Variants in ZFR observed in about 807,000 individuals in gnomAD.
The protein encoded by ZFR is zinc finger RNA-binding protein.
In ZFR, 19 loss-of-function variants were observed where a neutral mutation model predicts 130.7. That is an observed-to-expected ratio of 0.15 (90% CI 0.10 to 0.21). ZFR has a LOEUF of 0.21. Among genes scored for constraint, ZFR ranks in the 10% least tolerant of loss-of-function variants. The pLI is 1.00. For missense variants in ZFR, 872 were observed against 1,321.5 expected, an observed-to-expected ratio of 0.66 and a Z score of 5.27; for synonymous variants, 466 against 456.9, an observed-to-expected ratio of 1.02 and a Z score of -0.25.
intron 15 of ZFR, among the ~76,000 whole-genome samples, chr5:32,384,881 G>GAATATA (rs1246562635): frequency 2.0e-5 from 3 of 152,050 alleles, no homozygotes; most frequent in Admixed American, 1.3e-4. Context: ...CATTTACACA[G>GAATATA]TTTATTTTTC....
At chr5:32,428,975 CTTTTTTTTTTTTTTTTTT>C (rs576959110) in intron 2 of ZFR, among the ~76,000 whole-genome samples, 2 of 91,200 alleles carry the variant, frequency 2.2e-5, no homozygotes, top group Admixed American at 1.2e-4. Context: ...CTTCTTACAT[CTTTTTTTTTTTTTTTTTT>C]TTTTTTTTTT....
At chr5:32,388,777 G>T in intron 12 of ZFR, 103 bp from the exon 13 acceptor site, 2 of 1,060,278 alleles carry the variant, frequency 1.9e-6, no homozygotes, top group Non-Finnish European at 2.7e-6. Context: ...CAATAAGAAA[G>T]CCTTTATCTT....
At chr5:32,415,521 C>T (rs536037543) in intron 4 of ZFR, among the ~76,000 whole-genome samples, 4,405 of 71,590 alleles carry the variant, frequency 0.062, 142 homozygotes, top group African/African-American at 0.19. Flanking sequence ...TGTGTGCGCG[C>T]GCGCGCGCGC....
At chr5:32,382,215 G>A (rs753759802) in intron 15 of ZFR, among the ~76,000 whole-genome samples, 11 of 152,088 alleles carry the variant, frequency 7.2e-5, no homozygotes, top group Non-Finnish European at 1.3e-4. Context: ...GGAGGCTGAG[G>A]CATGAGAATT....
chr5:32,441,116 G>C (rs949886208), intron 2 of ZFR, among the ~76,000 whole-genome samples: 3 of 152,116 alleles, frequency 2.0e-5, no homozygotes, highest in African/African-American at 7.2e-5. Flanking sequence ...TGGGATTACA[G>C]GTGCCCGCCA....
In ZFR at chr5:32,404,033, T is replaced by G; in HGVS notation, c.1097A>C (p.Gln366Pro). ...AGAACTGTTGCTGCTGCTGGTATTT[T>G]GTGAGGCTTTCAATGCAGCTTCTTT... ...KKKEAALKAS[Q>P]NTSSSNSSTR... Residue 366 changes from glutamine (Q) to proline (P), a missense_variant, in exon 7 of 20, where the codon CAA becomes CCA. By Grantham distance (76) the Gln-to-Pro change is moderately conservative (BLOSUM62 -1). Transcript: ENST00000265069. 6.2e-7 allele frequency: 1 copy of G among 1,614,142 alleles called. No individual in the cohort carries two copies. Among genetic ancestry groups the G allele is most frequent in the South Asian group, 1.1e-5 (1 of 91,064 alleles).
intron 2 of ZFR, among the ~76,000 whole-genome samples, chr5:32,440,217 A>C (rs1754437537): frequency 6.6e-6 from 1 of 152,196 alleles, no homozygotes; most frequent in South Asian, 2.1e-4. Flanking sequence ...TTTGGCCATG[A>C]AGCCATCCTT....
intron 2 of ZFR, among the ~76,000 whole-genome samples, chr5:32,424,303 GGAGGCC>G (rs1754020100): frequency 6.6e-6 from 1 of 152,240 alleles, no homozygotes; most frequent in Non-Finnish European, 1.5e-5. Flanking sequence ...CAGCACTTTG[GGAGGCC>G]GAGGTGGGTG....
At chr5:32,360,537 G>A (rs1752409809) in intron 19 of ZFR, among the ~76,000 whole-genome samples, 1 of 152,052 alleles carries the variant, frequency 6.6e-6, no homozygotes, top group Admixed American at 6.6e-5. Context: ...ATATTCTAAC[G>A]TATGACTGTA....
At chr5:32,434,042 C>T (rs541030062) in intron 2 of ZFR, among the ~76,000 whole-genome samples, 42 of 152,320 alleles carry the variant, frequency 2.8e-4, no homozygotes, top group Non-Finnish European at 4.9e-4. Flanking sequence ...TGCACTCCAG[C>T]GTGGGCTAGA....
intron 7 of ZFR, 63 bp from the exon 8 acceptor site, chr5:32,403,460 G>A: frequency 6.5e-7 from 1 of 1,530,474 alleles, no homozygotes; most frequent in Non-Finnish European, 8.8e-7. Context: ...AGTCTGCCTG[G>A]AACATTATAA....
chr5:32,376,670 A>G (rs1752818553), intron 17 of ZFR, among the ~76,000 whole-genome samples: 1 of 151,476 alleles, frequency 6.6e-6, no homozygotes, highest in Admixed American at 6.6e-5. Flanking sequence ...AAAATCCAGA[A>G]ATGATAAAAA....
chr5:32,358,394 C>A (rs762680247), intron 19 of ZFR, among the ~76,000 whole-genome samples: 1 of 152,132 alleles, frequency 6.6e-6, no homozygotes, highest in Non-Finnish European at 1.5e-5. Context: ...GGCGCGGTGG[C>A]GCAAGCCTGT....
intron 2 of ZFR, among the ~76,000 whole-genome samples, chr5:32,422,511 G>A (rs1053039354): frequency 5.9e-5 from 9 of 152,072 alleles, no homozygotes; most frequent in African/African-American, 2.2e-4. Flanking sequence ...AAAAGCATGA[G>A]GAAGGCTGGG....
At position 32,385,582 on chromosome 5, in the gene ZFR, C is replaced by A. The variant is rs1581689670; in HGVS notation, c.2567G>T (p.Cys856Phe). 3 of 1,613,408 alleles carry A rather than the reference C, an allele frequency of 1.9e-6. No homozygotes were observed. The highest frequency in any genetic ancestry group is 2.7e-5 in the African/African-American group (2 of 74,888). The change falls in exon 15 of 20, where the codon TGT becomes TTT. Residue 856 changes from cysteine (C) to phenylalanine (F), a missense_variant. This residue lies in a region of ZFR where 225 missense variants were observed against 282.4 expected (regional missense o/e 0.80). Transcript: ENST00000265069. ...VSEAAIILNS[C>F]VEPKMQVTIT... ...AGTGACTTGCATTTTGGGTTCCACACATGAATTCAAAATTATTGCCGCTTC... is the reference window on the plus strand; with the variant it reads ...AGTGACTTGCATTTTGGGTTCCACAAATGAATTCAAAATTATTGCCGCTTC...
intron 19 of ZFR, among the ~76,000 whole-genome samples, chr5:32,359,264 A>T (rs1326763498): frequency 6.6e-6 from 1 of 152,110 alleles, no homozygotes; most frequent in Non-Finnish European, 1.5e-5. Flanking sequence ...GGCCCAATAC[A>T]AATTCATAAA....
intron 17 of ZFR, among the ~76,000 whole-genome samples, chr5:32,368,741 G>C (rs530389899): frequency 6.6e-6 from 1 of 152,302 alleles, no homozygotes; most frequent in African/African-American, 2.4e-5. Flanking sequence ...ACCACTTACT[G>C]AGTGCTTATC....
At chr5:32,428,960 A>G (rs1040070520) in intron 2 of ZFR, among the ~76,000 whole-genome samples, 7 of 148,734 alleles carry the variant, frequency 4.7e-5, no homozygotes, top group Non-Finnish European at 4.4e-5. Flanking sequence ...GAATTAGAAA[A>G]AAGTCTTCTT....
rs1753524194 is a variant in ZFR at position 32,403,902 on chromosome 5, C to A, written c.1224+4G>T. ...ATAAGGGTGTGTGGGAAAAAAACAC[C>A]TACTTTCTGATGCTTAGCACCACGA... On this transcript the variant is annotated splice_donor_region_variant and intron_variant, in intron 7 of 19. Transcript: ENST00000265069. 1 of 1,562,050 alleles carries A rather than the reference C, an allele frequency of 6.4e-7. No individual in the cohort carries two copies. Among genetic ancestry groups the A allele is most frequent in the African/African-American group, 1.4e-5 (1 of 73,076 alleles).
Sources: allele counts gnomAD v4.1 joint callset (sites outside exome capture counted in the v4.1 genomes callset), GRCh38; gene constraint gnomAD v4.1.1; regional missense constraint gnomAD v4.1.1; transcripts MANE v1.5; gene names NCBI Gene and HGNC (gene_info 2026-07-23, HGNC 2026-07-21).